ZNF800: variants seen among roughly 807,000 people sequenced by gnomAD.
ZNF800 encodes the protein zinc finger protein 800.
In ZNF800, 13 loss-of-function variants were observed where a neutral mutation model predicts 59.5. The observed-to-expected ratio is 0.22, with a 90% CI of 0.14 to 0.35. The LOEUF (loss-of-function observed/expected upper bound fraction) is 0.35. ZNF800 is among the 10% of genes least tolerant of loss of function. ZNF800 has a pLI of 1.00. For missense variants in ZNF800, 621 were observed against 783.7 expected, an observed-to-expected ratio of 0.79 and a Z score of 2.48; for synonymous variants, 266 against 265.7, an observed-to-expected ratio of 1.00 and a Z score of -0.01.
intron 5 of ZNF800, chr7:127,372,640 G>C (rs1800663404): frequency 1.0e-6 from 1 of 984,822 alleles, no homozygotes; most frequent in African/African-American, 1.8e-5. Context: ...AAGCATTTGG[G>C]ACCTAAATAA....
intron 3 of ZNF800, among the ~76,000 whole-genome samples, chr7:127,383,781 G>C (rs1226611136): frequency 1.3e-5 from 2 of 152,108 alleles, no homozygotes; most frequent in Non-Finnish European, 2.9e-5. Context: ...TCCAAGATTA[G>C]TTTCTTTGTA....
Position 127,373,581 on chromosome 7 carries a change from A to G in ZNF800, c.1755T>C (p.Ser585=). 2 of 1,614,096 alleles carry G rather than the reference A, an allele frequency of 1.2e-6. No individual in the cohort carries two copies. The highest frequency in any genetic ancestry group is 4.5e-5 in the East Asian group (2 of 44,870). The change falls in exon 5 of 6, where the codon AGT becomes AGC. Residue 585 remains serine, a synonymous_variant. Transcript: ENST00000265827. The part of the protein sequence containing the change: ...RGPSRDEAKH[S]DSKHDGTSNS... The stretch of plus-strand genomic sequence containing the variant: ...TAGAAGTGCCATCATGTTTTGAATC[A>G]CTATGTTTTGCTTCATCCCTCGAAG...
chr7:127,345,758 G>A (rs112014091), downstream of ZNF800, among the ~76,000 whole-genome samples: 365 of 152,294 alleles, frequency 2.4e-3, 2 homozygotes, highest in African/African-American at 7.9e-3. Context: ...GAGAAAGGTT[G>A]TTGCTACCAC....
At chr7:127,383,831 T>C (rs1801047719) in intron 3 of ZNF800, among the ~76,000 whole-genome samples, 2 of 152,304 alleles carry the variant, frequency 1.3e-5, no homozygotes, top group African/African-American at 4.8e-5. Flanking sequence ...ACTTAAACTG[T>C]TGGGTACTCA....
At chr7:127,372,468 G>A (rs568626653) in intron 5 of ZNF800, 4 of 424,300 alleles carry the variant, frequency 9.4e-6, no homozygotes, top group Admixed American at 8.5e-5. Context: ...CAACAAGAGC[G>A]AAACTCCGTC....
intron 1 of ZNF800, among the ~76,000 whole-genome samples, chr7:127,355,636 G>C (rs1327208787): frequency 6.6e-6 from 1 of 152,024 alleles, no homozygotes; most frequent in Non-Finnish European, 1.5e-5. Flanking sequence ...GTCAGTTCTA[G>C]TAGGATGGGA....
intron 2 of ZNF800, among the ~76,000 whole-genome samples, chr7:127,387,584 G>A (rs1024351359): frequency 3.3e-5 from 5 of 152,174 alleles, no homozygotes; most frequent in African/African-American, 1.2e-4. Flanking sequence ...CACTTGGCCT[G>A]GTGCAGTGGC....
In ZNF800 at chr7:127,373,301, G is replaced by C. The variant is rs766741002; in HGVS notation, c.1994+41C>G. On this transcript the variant is annotated intron_variant, in intron 5 of 5. Coordinates refer to ENST00000265827, the MANE Select transcript of ZNF800 (RefSeq NM_176814.5). ...GGTCAAATGATTTTTTTTTTAGTTCGATGGGGGGAAAAAAGCAAAACTCTG... is the reference window on the plus strand; with the variant it reads ...GGTCAAATGATTTTTTTTTTAGTTCCATGGGGGGAAAAAAGCAAAACTCTG... 2.6e-6 allele frequency: 4 copies of C among 1,527,916 alleles called. No individual in the cohort carries two copies. In the African/African-American group the frequency reaches 5.6e-5, roughly 21 times the overall value. The allele number at this position is 1,527,916 out of a possible 1,614,324, so 94.6% of individuals were successfully genotyped here.
At chr7:127,372,388 G>A (rs1800655953) in intron 5 of ZNF800, among the ~76,000 whole-genome samples, 1 of 151,392 alleles carries the variant, frequency 6.6e-6, no homozygotes, top group African/African-American at 2.4e-5. Flanking sequence ...GCTGAGGCAG[G>A]AGAATTGCTT....
intron 5 of ZNF800, chr7:127,373,013 G>A: frequency 1.0e-6 from 1 of 985,186 alleles, no homozygotes; most frequent in Non-Finnish European, 1.2e-6. Flanking sequence ...TAGTTAAACA[G>A]AAGACTTCTA....
chr7:127,391,759 GC>G, intron 1 of ZNF800, 144 bp from the exon 2 acceptor site: 2 of 622,012 alleles, frequency 3.2e-6, no homozygotes, highest in Non-Finnish European at 5.8e-6. Flanking sequence ...ACAGAAAGAC[GC>G]ACAAACCCTC....
chr7:127,358,897 A>G (rs1371128646), intron 1 of ZNF800, among the ~76,000 whole-genome samples: 1 of 152,140 alleles, frequency 6.6e-6, no homozygotes, highest in Non-Finnish European at 1.5e-5. Context: ...TACTCATGGA[A>G]TGCTTTAACT....
intron 5 of ZNF800, chr7:127,372,621 A>G (rs1800662424): frequency 4.1e-6 from 4 of 984,832 alleles, no homozygotes; most frequent in African/African-American, 1.7e-5. Context: ...TTTATTAAAA[A>G]GAGAGGGGAA....
chr7:127,379,524 C>T (rs1439760217), intron 3 of ZNF800, among the ~76,000 whole-genome samples: 1 of 152,056 alleles, frequency 6.6e-6, no homozygotes, highest in Non-Finnish European at 1.5e-5. Context: ...AAATAGGATA[C>T]ATGTACATGG....
downstream of ZNF800, among the ~76,000 whole-genome samples, chr7:127,367,073 G>A (rs1351472519): frequency 2.0e-5 from 3 of 152,114 alleles, no homozygotes; most frequent in Non-Finnish European, 4.4e-5. Context: ...GCTAATAGCA[G>A]CAGAGAAGCA....
intron 3 of ZNF800, 31 bp downstream of exon 3, chr7:127,386,029 G>A: frequency 6.6e-7 from 1 of 1,507,440 alleles, no homozygotes; most frequent in Non-Finnish European, 9.2e-7. Context: ...ACTATGTGAA[G>A]ATTGAAAAAT....
intron 1 of ZNF800, among the ~76,000 whole-genome samples, chr7:127,352,224 G>C (rs987505937): frequency 1.3e-5 from 2 of 152,192 alleles, no homozygotes; most frequent in African/African-American, 4.8e-5. Flanking sequence ...CAAGTAACAA[G>C]ATGACTTGGA....
chr7:127,344,497 C>A (rs1800023031), downstream of ZNF800, among the ~76,000 whole-genome samples: 2 of 151,960 alleles, frequency 1.3e-5, no homozygotes, highest in African/African-American at 4.8e-5. Context: ...AATAGAATTT[C>A]TTTTGGAATG....
chr7:127,350,608 A>C (rs1800152199), intron 1 of ZNF800: 1 of 152,254 alleles, frequency 6.6e-6, no homozygotes. Context: ...AATTCCTCCA[A>C]GACTTTCAAG....
Sources: gnomAD v4.1 joint callset for allele counts (sites outside exome capture counted in the v4.1 genomes callset) on GRCh38, gnomAD v4.1.1 for gene constraint, MANE v1.5 for transcripts, NCBI Gene and HGNC (gene_info 2026-07-23, HGNC 2026-07-21) for gene names.